The following ITPKA variants were observed in gnomAD, a reference collection of about 807,000 sequenced individuals.
ITPKA encodes IP3 3-kinase A.
Under a neutral mutation model 40.7 loss-of-function variants are expected in ITPKA, and 16 were observed. The observed-to-expected ratio is 0.39, with a 90% CI of 0.27 to 0.60. ITPKA has a LOEUF of 0.60. Ranked by LOEUF, ITPKA falls within the 20% of genes least tolerant of loss-of-function variation. ITPKA has a pLI of 0.50. For missense variants in ITPKA, 540 were observed against 649.3 expected (o/e 0.83, Z 1.83); for synonymous variants, 313 against 289.9 (o/e 1.08, Z -0.81).
chr15:41,501,297 C>T, intron 1 of ITPKA, 166 bp from the exon 2 acceptor site: 1 of 1,444,432 alleles, frequency 6.9e-7, no homozygotes. Context: ...ACCCGCCACA[C>T]AGGCGCACAA....
intron 1 of ITPKA, among the ~76,000 whole-genome samples, chr15:41,496,101 C>T (rs923471946): frequency 1.3e-5 from 2 of 152,264 alleles, no homozygotes; most frequent in Non-Finnish European, 2.9e-5. Context: ...GTCAAACAGC[C>T]ACAGCGGCGG....
Position 41,494,784 on chromosome 15 carries a change from C to T in ITPKA, c.489+368C>T, listed in dbSNP as rs2051058975. Reference sequence around the variant, plus strand: ...GGGTGAACCCTCGGAAGGAGAGAGGCGAAGGAGAGTTTCCCTTACCCCCCG... The same window carrying T: ...GGGTGAACCCTCGGAAGGAGAGAGGTGAAGGAGAGTTTCCCTTACCCCCCG... On this transcript the variant is annotated intron_variant, in intron 1 of 6. Coordinates refer to ENST00000260386, the MANE Select transcript of ITPKA (RefSeq NM_002220.3). The surrounding 1 kb of genome is among the most constrained non-coding windows in gnomAD (Gnocchi z 7.8). Among the ~76,000 whole-genome samples the T allele has an allele frequency of 6.6e-6, 1 of 152,198 alleles. No individual in the cohort carries two copies. The highest frequency in any genetic ancestry group is 1.5e-5 in the Non-Finnish European group (1 of 68,020).
At chr15:41,501,373 C>T (rs2051108742) in intron 1 of ITPKA, 90 bp from the exon 2 acceptor site, 6 of 1,524,086 alleles carry the variant, frequency 3.9e-6, no homozygotes, top group Non-Finnish European at 5.3e-6. Flanking sequence ...TCCGGTGGGT[C>T]GGGGGCGTGG....
intron 1 of ITPKA, among the ~76,000 whole-genome samples, chr15:41,498,060 G>A (rs1192027981): frequency 2.0e-5 from 3 of 152,102 alleles, no homozygotes; most frequent in Admixed American, 6.6e-5. Context: ...GACTGAGGCA[G>A]GAGAATCGCT....
intron 5 of ITPKA, 80 bp downstream of exon 5, chr15:41,502,583 C>A: frequency 1.0e-6 from 1 of 973,698 alleles, no homozygotes; most frequent in South Asian, 1.4e-5. Flanking sequence ...CCAGTGCCCT[C>A]GGCTGTGTCC....
intron 5 of ITPKA, 107 bp downstream of exon 5, chr15:41,502,610 C>T: frequency 3.3e-6 from 3 of 909,142 alleles, no homozygotes; most frequent in Non-Finnish European, 5.2e-6. Flanking sequence ...TGGCCCTCAC[C>T]GCGCTGGCTC....
In ITPKA at chr15:41,501,707, C is replaced by A. The variant is rs1264769167; in HGVS notation, c.659C>A (p.Ala220Glu). 8.1e-6 allele frequency: 13 copies of A among 1,610,950 alleles called. No homozygotes were observed. The highest frequency in any genetic ancestry group is 1.1e-5 in the Non-Finnish European group (13 of 1,179,132). Residue 220 changes from alanine to glutamate, a missense_variant, in exon 3 of 7, where the codon GCG becomes GAG. Ala to Glu is a moderately radical substitution (Grantham distance 107, BLOSUM62 -1). Transcript: ENST00000260386. ...TCGGAGCCGGAGCGCTACTGCCTGGCGCGGCTGATGGCTGACGCGCTGCGC... is the reference window on the plus strand; with the variant it reads ...TCGGAGCCGGAGCGCTACTGCCTGGAGCGGCTGATGGCTGACGCGCTGCGC... ...RCSEPERYCL[A>E]RLMADALRGC...
At chr15:41,495,295 T>C (rs2051062908) in intron 1 of ITPKA, among the ~76,000 whole-genome samples, 1 of 152,196 alleles carries the variant, frequency 6.6e-6, no homozygotes, top group Non-Finnish European at 1.5e-5. Flanking sequence ...CGCGAAGGAC[T>C]TTCTTTAGAT....
Position 41,502,051 on chromosome 15 carries a change from G to T in ITPKA, c.858G>T (p.Lys286Asn), listed in dbSNP as rs373484451. The part of the protein sequence containing the change: ...TKARERPKLR[K>N]DMYKKMLAVD... ...CCCGTGAGCGGCCCAAGCTGCGGAA[G>T]GACATGTACAAGAAAATGCTGGCGG... Residue 286 changes from lysine (K) to asparagine (N), a missense_variant, in exon 4 of 7, where the codon AAG becomes AAT. Physicochemically the swap from Lys to Asn is moderately conservative, Grantham distance 94. Transcript: ENST00000260386. The T allele has an allele frequency of 6.2e-7, 1 of 1,613,302 alleles. No homozygotes were observed. Among genetic ancestry groups the T allele is most frequent in the African/African-American group, 1.3e-5 (1 of 74,938 alleles).
chr15:41,496,992 C>T (rs913266989), intron 1 of ITPKA, among the ~76,000 whole-genome samples: 2 of 152,124 alleles, frequency 1.3e-5, no homozygotes. Context: ...ACAGAGCACT[C>T]ACCCACCTGC....
chr15:41,502,521 A>G lies in ITPKA; in HGVS notation c.1110+18A>G. ...AAGTGCTGGTGAGAGCGGGATCCCAAACCCTGAGGTGTTGGGGAGCCTGAA... is the reference window on the plus strand; with the variant it reads ...AAGTGCTGGTGAGAGCGGGATCCCAGACCCTGAGGTGTTGGGGAGCCTGAA... On this transcript the variant is annotated intron_variant, in intron 5 of 6. Coordinates refer to ENST00000260386, the MANE Select transcript of ITPKA (RefSeq NM_002220.3). The G allele has an allele frequency of 4.9e-6, 7 of 1,425,712 alleles. No homozygotes were observed. Among genetic ancestry groups the G allele is most frequent in the Non-Finnish European group, 6.9e-6 (7 of 1,010,126 alleles). 88.3% of individuals were successfully genotyped at this position (1,425,712 alleles called of 1,614,324 possible). A position where few individuals can be genotyped will look rare whatever the true frequency, so the allele number is the denominator to read the frequency against.
rs201247256 is a variant in ITPKA, at chr15:41,501,843, G to A, written c.795G>A (p.Met265Ile). 1.2e-6 allele frequency: 2 copies of A among 1,613,012 alleles called. No homozygotes were observed. Among genetic ancestry groups the A allele is most frequent in the Non-Finnish European group, 1.7e-6 (2 of 1,179,740 alleles). ...FDGPCVLDCK[M>I]GVRTYLEEEL... ...GACCTTGTGTGCTCGACTGCAAAAT[G>A]GGCGTCAGGTATGCGTGCCCTGCCA... The change falls in exon 3 of 7, where the codon ATG (methionine) becomes ATA (isoleucine). Residue 265 changes from methionine to isoleucine, a missense_variant. Physicochemically the swap from Met to Ile is conservative, Grantham distance 10. Transcript: ENST00000260386.
rs2051135888 is a variant in ITPKA at position 41,503,213 on chromosome 15, G to A, written c.*47G>A. On this transcript the variant is annotated 3_prime_UTR_variant, in exon 7 of 7. Transcript: ENST00000260386. ...GGCCGCTCACCTGACATGTGGACCT[G>A]CAGCTTTGTCCCCACTGTGCATGCC... 3 of 1,396,568 alleles carry A rather than the reference G, an allele frequency of 2.1e-6. No individual in the cohort carries two copies. Among genetic ancestry groups the A allele is most frequent in the African/African-American group, 1.4e-5 (1 of 70,762 alleles). 86.5% of individuals were successfully genotyped at this position (1,396,568 alleles called of 1,614,324 possible).
At chr15:41,500,110 G>T (rs1213116986) in intron 1 of ITPKA, among the ~76,000 whole-genome samples, 2 of 152,156 alleles carry the variant, frequency 1.3e-5, no homozygotes, top group Non-Finnish European at 2.9e-5. Context: ...ACAGGCGCAT[G>T]CCACCATGTC....
Position 41,501,525 on chromosome 15 carries a change from G to A in ITPKA, c.552G>A (p.Lys184=). ...TGCCGGTCATAAGCCCTTTCAAGAA[G>A]CGCTACGCCTGGGTGCAGCTGGCAG... ...VNLPVISPFK[K]RYAWVQLAGH... The change falls in exon 2 of 7, where the codon AAG becomes AAA. Residue 184 remains lysine (K), a synonymous_variant. Coordinates refer to ENST00000260386, the MANE Select transcript of ITPKA (RefSeq NM_002220.3). 1 of 1,609,450 alleles carries A rather than the reference G, an allele frequency of 6.2e-7. No individual in the cohort carries two copies.
rs546746124 is a variant in ITPKA at position 41,494,250 on chromosome 15, C to A, written c.323C>A (p.Ala108Glu). 1 of 1,545,592 alleles carries A rather than the reference C, an allele frequency of 6.5e-7. No homozygotes were observed. The highest frequency in any genetic ancestry group is 2.4e-5 in the East Asian group (1 of 41,210). The change falls in exon 1 of 7, where the codon GCA becomes GAA. Residue 108 changes from alanine (A) to glutamate (E), a missense_variant. Physicochemically the swap from Ala to Glu is moderately radical, Grantham distance 107. Coordinates refer to ENST00000260386, the MANE Select transcript of ITPKA (RefSeq NM_002220.3). The surrounding 1 kb of genome is among the most constrained non-coding windows in gnomAD (Gnocchi z 7.8). ...PPERERDCLP[A>E]AGSSHLQQPR... ...GAGCGGGAGAGGGACTGCCTCCCGG[C>A]AGCGGGCTCTTCGCACCTGCAGCAG...
intron 4 of ITPKA, 82 bp downstream of exon 4, chr15:41,502,283 C>T (rs1420617476): frequency 2.3e-6 from 3 of 1,307,666 alleles, no homozygotes; most frequent in Non-Finnish European, 3.2e-6. Context: ...GCCCCGCCTG[C>T]CCCTCCGCCC....
Position 41,494,357 on chromosome 15 carries a change from G to C in ITPKA, c.430G>C (p.Asp144His). ...GGACTCGGAGGACGACCTGCTGAGC[G>C]ACAGTGAGAGCCGGAGCCGCGGCAA... ...LEDSEDDLLS[D>H]SESRSRGNVQ... The change falls in exon 1 of 7, where the codon GAC becomes CAC. Residue 144 changes from aspartate (D) to histidine (H), a missense_variant. By Grantham distance (81) the Asp-to-His change is moderately conservative. Transcript: ENST00000260386. This position sits in a 1 kb window ranked among gnomAD's most constrained non-coding sequence, Gnocchi z 7.8. The C allele has an allele frequency of 6.6e-7, 1 of 1,511,778 alleles. No homozygotes were observed. Among genetic ancestry groups the C allele is most frequent in the Non-Finnish European group, 8.8e-7 (1 of 1,135,398 alleles). 93.6% of individuals were successfully genotyped at this position (1,511,778 alleles called of 1,614,324 possible). A position where few individuals can be genotyped will look rare whatever the true frequency, so the allele number is the denominator to read the frequency against.
chr15:41,494,134 G>A lies in ITPKA; in HGVS notation c.207G>A (p.Gly69=), dbSNP rs2051052794. ...AKRRGGQVPN[G]LPRAPPAPVI... The stretch of plus-strand genomic sequence containing the variant: ...GGCGTGGGGGACAGGTCCCCAACGG[G>A]CTTCCGCGGGCTCCCCCGGCCCCGG... Residue 69 remains glycine, a synonymous_variant, in exon 1 of 7, where the codon GGG becomes GGA. Transcript: ENST00000260386. The surrounding 1 kb of genome is among the most constrained non-coding windows in gnomAD (Gnocchi z 7.8). 6 of 1,451,424 alleles carry A rather than the reference G, an allele frequency of 4.1e-6. No individual in the cohort carries two copies. The highest frequency in any genetic ancestry group is 1.5e-5 in the African/African-American group (1 of 67,996). The allele number at this position is 1,451,424 out of a possible 1,614,324, so 89.9% of individuals were successfully genotyped here.
Sources: gnomAD v4.1 joint callset for allele counts (sites outside exome capture counted in the v4.1 genomes callset) on GRCh38, gnomAD v4.1.1 for gene constraint, Gnocchi (gnomAD v3.1) non-coding constraint, MANE v1.5 for transcripts, NCBI Gene and HGNC (gene_info 2026-07-23, HGNC 2026-07-21) for gene names.